Variants in TUSC3 observed in about 807,000 individuals in gnomAD.
TUSC3 encodes tumor suppressor candidate 3.
A neutral mutation model predicts 44.8 loss-of-function variants in TUSC3; 45 were observed. That is an observed-to-expected ratio of 1.00 (90% CI 0.79 to 1.29). The LOEUF (loss-of-function observed/expected upper bound fraction) is 1.29, where lower values mean the gene tolerates loss of function less well. TUSC3 is among the 50% of genes most tolerant of loss of function. The probability of loss-of-function intolerance (pLI) is 0.00; values close to 1 mark genes in which losing one functional copy is unlikely to be tolerated. For synonymous variants in TUSC3, 212 were observed against 152.9 expected (o/e 1.39, Z -2.85); for missense variants, 519 against 437.9 (o/e 1.19, Z -1.65).
the TUSC3 span, among the ~76,000 whole-genome samples, chr8:15,842,356 T>G: frequency 6.6e-6 from 1 of 152,204 alleles, no homozygotes; most frequent in Non-Finnish European, 1.5e-5. Flanking sequence ...TTACCTCATA[T>G]GCTCACACTG....
chr8:15,446,021 C>T (rs1348739629), intron 1 of TUSC3, among the ~76,000 whole-genome samples: 1 of 151,174 alleles, frequency 6.6e-6, no homozygotes, highest in African/African-American at 2.4e-5. Flanking sequence ...GGGCCGGCTG[C>T]CGGGCGGAGG....
chr8:15,591,413 A>G (rs1156647189), intron 1 of TUSC3, among the ~76,000 whole-genome samples: 1 of 152,168 alleles, frequency 6.6e-6, no homozygotes, highest in Non-Finnish European at 1.5e-5. Flanking sequence ...TCATTTATTA[A>G]TTTCTGTACC....
At chr8:15,507,446 A>T (rs774328056) in intron 2 of TUSC3, among the ~76,000 whole-genome samples, 44 of 152,210 alleles carry the variant, frequency 2.9e-4, no homozygotes, top group Non-Finnish European at 4.9e-4. Context: ...GCTAAAAGGC[A>T]GATAGTTAAC....
At chr8:15,679,227 T>C (rs1398832690) in intron 6 of TUSC3, among the ~76,000 whole-genome samples, 3 of 152,118 alleles carry the variant, frequency 2.0e-5, no homozygotes, top group African/African-American at 4.8e-5. Flanking sequence ...CCAGCAGTGG[T>C]GTATAAGCAT....
intron 2 of TUSC3, among the ~76,000 whole-genome samples, chr8:15,523,968 A>G (rs1801338915): frequency 6.6e-6 from 1 of 150,856 alleles, no homozygotes; most frequent in African/African-American, 2.4e-5. Flanking sequence ...AGGCAGGAGA[A>G]TCACTTGAAC....
intron 1 of TUSC3, among the ~76,000 whole-genome samples, chr8:15,444,841 C>T (rs1332415790): frequency 2.0e-5 from 3 of 152,240 alleles, no homozygotes; most frequent in Non-Finnish European, 4.4e-5. Flanking sequence ...TTCTTCTTTC[C>T]CTCATCTTTC....
At chr8:15,586,625 G>C (rs929794503) in intron 1 of TUSC3, among the ~76,000 whole-genome samples, 11 of 152,126 alleles carry the variant, frequency 7.2e-5, no homozygotes, top group Non-Finnish European at 1.3e-4. Context: ...CATTTGGAGT[G>C]AGAAACTGAG....
Position 15,650,770 on chromosome 8 carries a change from T to C in TUSC3, c.382T>C (p.Phe128Leu), listed in dbSNP as rs1427528497. The C allele has an allele frequency of 6.2e-7, 1 of 1,614,064 alleles. No homozygotes were observed. The highest frequency in any genetic ancestry group is 1.1e-5 in the South Asian group (1 of 91,080). The change falls in exon 3 of 11, where the codon TTC becomes CTC. Residue 128 changes from phenylalanine (F) to leucine (L), a missense_variant. By Grantham distance (22) the Phe-to-Leu change is conservative. Coordinates refer to ENST00000503731, the MANE Select transcript of TUSC3 (RefSeq NM_006765.4). Reference protein sequence around the residue: ...YSSAFCNKLFFSMVDYDEGTD... With the variant: ...YSSAFCNKLFLSMVDYDEGTD... ...ATCTGCTTTTTGTAACAAGCTCTTC[T>C]TCAGTATGGTGGACTATGATGAGGG...
At chr8:15,767,481 T>TTTA (rs1563214657), downstream of TUSC3, among the ~76,000 whole-genome samples, 43 of 150,474 alleles carry the variant, frequency 2.9e-4, no homozygotes, top group Non-Finnish European at 5.6e-4. Context: ...AAATTTGTTT[T>TTTA]AAAAAAAAAA....
the TUSC3 span, among the ~76,000 whole-genome samples, chr8:15,784,672 A>G: frequency 6.6e-6 from 1 of 152,096 alleles, no homozygotes; most frequent in Non-Finnish European, 1.5e-5. Flanking sequence ...GAGAAAGACA[A>G]ATACTGCATG....
chr8:15,625,100 G>A (rs904100924), intron 2 of TUSC3, among the ~76,000 whole-genome samples: 1 of 151,932 alleles, frequency 6.6e-6, no homozygotes, highest in Non-Finnish European at 1.5e-5. Context: ...TTTTTTTGTT[G>A]TCACTTTATG....
intron 2 of TUSC3, among the ~76,000 whole-genome samples, chr8:15,523,702 G>GTATATATATATATATATATATATATA (rs1563273682): frequency 3.6e-5 from 4 of 112,046 alleles, no homozygotes; most frequent in Non-Finnish European, 5.3e-5. Flanking sequence ...GTGTGTGTGT[G>GTATATATATATATATATATATATATA]TGTGTGTATA....
chr8:15,750,963 C>G (rs913895690), intron 9 of TUSC3, among the ~76,000 whole-genome samples: 2 of 151,800 alleles, frequency 1.3e-5, no homozygotes, highest in African/African-American at 2.4e-5. Flanking sequence ...GAAACAGAAT[C>G]AGAAGAGAGC....
intron 1 of TUSC3, among the ~76,000 whole-genome samples, chr8:15,424,917 T>C (rs1799785455): frequency 1.3e-5 from 2 of 151,852 alleles, no homozygotes; most frequent in Admixed American, 1.3e-4. Context: ...CCCTCCACAA[T>C]TGCTAGCATT....
At chr8:15,650,674 C>T (rs780306764) in intron 2 of TUSC3, 23 bp from the exon 3 acceptor site, 2 of 1,602,674 alleles carry the variant, frequency 1.2e-6, no homozygotes, top group Admixed American at 3.3e-5. Context: ...TGTGTTTCTA[C>T]TATGGCCCAT....
chr8:15,745,070 C>G (rs7463984), intron 8 of TUSC3, among the ~76,000 whole-genome samples: 43,925 of 152,038 alleles, frequency 0.29, 7,153 homozygotes, highest in Admixed American at 0.41. Flanking sequence ...TGTTAATTCA[C>G]TTAGGATAAT....
chr8:15,581,543 AC>A (rs1282559785), intron 1 of TUSC3, among the ~76,000 whole-genome samples: 1 of 148,040 alleles, frequency 6.8e-6, no homozygotes, highest in Non-Finnish European at 1.5e-5. Context: ...AACAGACAGG[AC>A]CCTCAGCTGC....
At chr8:15,606,953 A>G (rs1278141251) in intron 1 of TUSC3, among the ~76,000 whole-genome samples, 2 of 151,924 alleles carry the variant, frequency 1.3e-5, no homozygotes, top group Non-Finnish European at 2.9e-5. Flanking sequence ...ATATGTGTAT[A>G]TATATACTTA....
chr8:15,825,769 C>T, the TUSC3 span, among the ~76,000 whole-genome samples: 2 of 151,848 alleles, frequency 1.3e-5, no homozygotes, highest in Non-Finnish European at 2.9e-5. Flanking sequence ...CATTTTTTTG[C>T]CCAGGTATTT....
Sources: gnomAD v4.1 joint callset for allele counts (sites outside exome capture counted in the v4.1 genomes callset) on GRCh38, gnomAD v4.1.1 for gene constraint, MANE v1.5 for transcripts, NCBI Gene and HGNC (gene_info 2026-07-23, HGNC 2026-07-21) for gene names.